Variants in FBLN1 observed in about 807,000 individuals in gnomAD.
FBLN1 encodes the protein fibulin-1.
A neutral mutation model predicts 89.7 loss-of-function variants in FBLN1; 34 were observed. That is an observed-to-expected ratio of 0.38 (90% CI 0.29 to 0.50). FBLN1 has a LOEUF of 0.50. Among genes scored for constraint, FBLN1 ranks in the 20% least tolerant of loss-of-function variants. The pLI, the probability that FBLN1 is intolerant of heterozygous loss-of-function variation, is 0.92. For missense variants in FBLN1, 777 were observed against 988.1 expected, an observed-to-expected ratio of 0.79 and a Z score of 2.86; for synonymous variants, 393 against 391.3, an observed-to-expected ratio of 1.00 and a Z score of -0.05.
intron 1 of FBLN1, among the ~76,000 whole-genome samples, chr22:45,510,653 C>G (rs2088086858): frequency 1.3e-5 from 2 of 152,134 alleles, no homozygotes; most frequent in Admixed American, 1.3e-4. Context: ...GAAGCTTCCA[C>G]CCAAGGAGTG....
At chr22:45,514,557 C>T (rs117413140) in intron 1 of FBLN1, among the ~76,000 whole-genome samples, 162 of 152,350 alleles carry the variant, frequency 1.1e-3, no homozygotes, top group Middle Eastern at 3.4e-3. Context: ...GCTCCAGCCC[C>T]TCGGGATTTT....
intron 11 of FBLN1, among the ~76,000 whole-genome samples, chr22:45,546,279 G>T (rs1268515770): frequency 6.6e-6 from 1 of 152,194 alleles, no homozygotes; most frequent in Non-Finnish European, 1.5e-5. Context: ...GTGCAGTGGT[G>T]TGATCTTGGC....
intron 1 of FBLN1, among the ~76,000 whole-genome samples, chr22:45,504,762 G>A (rs1305875711): frequency 6.6e-6 from 1 of 152,192 alleles, no homozygotes; most frequent in African/African-American, 2.4e-5. Flanking sequence ...GGCCCAGTGT[G>A]GCTCACTGCT....
At chr22:45,525,820 A>G in intron 3 of FBLN1, 142 bp downstream of exon 3, 1 of 1,165,194 alleles carries the variant, frequency 8.6e-7, no homozygotes, top group Non-Finnish European at 1.2e-6. Context: ...TTCCTGGGCC[A>G]GGAGGGAGGT....
rs940716226 is a variant in FBLN1 at position 45,577,935 on chromosome 22, G to C, written c.1972+827G>C. On this transcript the variant is annotated intron_variant, in intron 16 of 16. Coordinates refer to ENST00000327858, the MANE Select transcript of FBLN1 (RefSeq NM_006486.3). This position sits in a 1 kb window ranked among gnomAD's most constrained non-coding sequence, Gnocchi z 6.6. The stretch of plus-strand genomic sequence containing the variant: ...TCTCCTGAACTGTCACATTTTAAAA[G>C]ATTTACAGTCATGGGAAATGAAAAC... The C allele has an allele frequency of 5.2e-5, 8 of 152,698 alleles. No individual in the cohort carries two copies. The highest frequency in any genetic ancestry group is 1.9e-4 in the African/African-American group (8 of 41,454). 9.5% of individuals were successfully genotyped at this position (152,698 alleles called of 1,614,324 possible).
At chr22:45,592,625 G>A (rs1444842964) in intron 16 of FBLN1, among the ~76,000 whole-genome samples, 1 of 152,230 alleles carries the variant, frequency 6.6e-6, no homozygotes, top group Admixed American at 6.5e-5. Flanking sequence ...ACCACGCCCG[G>A]CCGCACATAT....
At chr22:45,522,126 C>T (rs2088259785) in intron 2 of FBLN1, among the ~76,000 whole-genome samples, 1 of 152,100 alleles carries the variant, frequency 6.6e-6, no homozygotes, top group Non-Finnish European at 1.5e-5. Flanking sequence ...GCTAGGAGTA[C>T]AGGTGCCTGT....
In FBLN1 at chr22:45,503,776, G is replaced by A. The variant is rs566885307; in HGVS notation, c.79+712G>A. Among the ~76,000 whole-genome samples, 14 of 152,260 alleles carry A rather than the reference G, an allele frequency of 9.2e-5. No homozygotes were observed. The East Asian group carries it at 2.7e-3, about 30-fold the overall frequency. ...CTGGGGACTGGTCACTTCCACCAAC[G>A]GCAAGGGGGATGGAGTTTTCCAAGA... On this transcript the variant is annotated intron_variant, in intron 1 of 16. Transcript: ENST00000327858.
At chr22:45,567,628 T>A (rs1041568090) in intron 14 of FBLN1, among the ~76,000 whole-genome samples, 5 of 151,970 alleles carry the variant, frequency 3.3e-5, no homozygotes, top group Non-Finnish European at 7.4e-5. Flanking sequence ...AAAAAAGATA[T>A]GCAAAACGTG....
At position 45,583,925 on chromosome 22, in the gene FBLN1, T is replaced by C. The variant is rs1485650343; in HGVS notation, c.1972+6817T>C. On this transcript the variant is annotated intron_variant, in intron 16 of 16. Coordinates refer to ENST00000327858, the MANE Select transcript of FBLN1 (RefSeq NM_006486.3). The surrounding 1 kb of genome is among the most constrained non-coding windows in gnomAD (Gnocchi z 4.5). ...GGGCTTGGAGCAGGCAGGAGTTCCC[T>C]GAGGTCATGCGGTGGCGGATGGGGG... 6.6e-6 allele frequency among the ~76,000 whole-genome samples: 1 copy of C among 152,148 alleles called. No homozygotes were observed. Among genetic ancestry groups the C allele is most frequent in the Non-Finnish European group, 1.5e-5 (1 of 68,022 alleles).
chr22:45,538,173 A>C (rs2088507520), intron 8 of FBLN1, among the ~76,000 whole-genome samples: 1 of 152,214 alleles, frequency 6.6e-6, no homozygotes, highest in Non-Finnish European at 1.5e-5. Flanking sequence ...CCTCAGTGAC[A>C]GCATCGAAAG....
intron 2 of FBLN1, among the ~76,000 whole-genome samples, chr22:45,520,956 C>T (rs1233965397): frequency 6.6e-6 from 1 of 152,016 alleles, no homozygotes; most frequent in Admixed American, 6.6e-5. Context: ...CCTGAGATTA[C>T]AGGCACACAC....
At position 45,530,827 on chromosome 22, in the gene FBLN1, G is replaced by A. The variant is rs372147823; in HGVS notation, c.485-438G>A. Among the ~76,000 whole-genome samples, 4 of 152,166 alleles carry A rather than the reference G, an allele frequency of 2.6e-5. No individual in the cohort carries two copies. The highest frequency in any genetic ancestry group is 9.6e-5 in the African/African-American group (4 of 41,506). On this transcript the variant is annotated intron_variant, in intron 4 of 16. Coordinates refer to ENST00000327858, the MANE Select transcript of FBLN1 (RefSeq NM_006486.3). The surrounding 1 kb of genome is among the most constrained non-coding windows in gnomAD (Gnocchi z 5.4). Reference sequence around the variant, plus strand: ...TGCCCAGGCTGGAGTGCAATGGTGTGATCTTGACTCACTGCAACCTCCGAC... The same window carrying A: ...TGCCCAGGCTGGAGTGCAATGGTGTAATCTTGACTCACTGCAACCTCCGAC...
chr22:45,511,507 C>T (rs1196384215), intron 1 of FBLN1, among the ~76,000 whole-genome samples: 1 of 149,184 alleles, frequency 6.7e-6, no homozygotes, highest in Non-Finnish European at 1.5e-5. Context: ...AGTACAGTGG[C>T]ACGATCTTGG....
chr22:45,524,367 A>G (rs2088291780), intron 2 of FBLN1, among the ~76,000 whole-genome samples: 1 of 152,034 alleles, frequency 6.6e-6, no homozygotes, highest in Admixed American at 6.5e-5. Flanking sequence ...TTGCCTTTGG[A>G]GCCCGCCCAC....
At chr22:45,529,409 C>G (rs1317420164) in intron 4 of FBLN1, among the ~76,000 whole-genome samples, 1 of 152,246 alleles carries the variant, frequency 6.6e-6, no homozygotes, top group Non-Finnish European at 1.5e-5. Flanking sequence ...GTTCAGGAGA[C>G]TTTGTGGCTG....
intron 1 of FBLN1, among the ~76,000 whole-genome samples, chr22:45,515,398 A>G (rs927087816): frequency 6.6e-6 from 1 of 152,120 alleles, no homozygotes; most frequent in South Asian, 2.1e-4. Flanking sequence ...TGCTCAGAAC[A>G]TGGGAGCTAC....
At chr22:45,560,366 T>C (rs2088836865) in intron 14 of FBLN1, among the ~76,000 whole-genome samples, 1 of 152,192 alleles carries the variant, frequency 6.6e-6, no homozygotes, top group South Asian at 2.1e-4. Flanking sequence ...AAGACATTGG[T>C]CAAGGGTATA....
chr22:45,585,618 C>A (rs1282311947), intron 16 of FBLN1, among the ~76,000 whole-genome samples: 1 of 152,208 alleles, frequency 6.6e-6, no homozygotes, highest in East Asian at 1.9e-4. Flanking sequence ...GGGGCCACAC[C>A]CTGGCTGGCA....
Sources: gnomAD v4.1 joint callset for allele counts (sites outside exome capture counted in the v4.1 genomes callset) on GRCh38, gnomAD v4.1.1 for gene constraint, Gnocchi (gnomAD v3.1) non-coding constraint, MANE v1.5 for transcripts, NCBI Gene and HGNC (gene_info 2026-07-23, HGNC 2026-07-21) for gene names.